Variants in USP13 observed in about 807,000 individuals in gnomAD.
USP13 encodes the protein ubiquitin carboxyl-terminal hydrolase 13.
A neutral mutation model predicts 107.8 loss-of-function variants in USP13; 68 were observed. That is an observed-to-expected ratio of 0.63 (90% CI 0.52 to 0.77). The LOEUF (loss-of-function observed/expected upper bound fraction) is 0.77. USP13 is among the 30% of genes least tolerant of loss of function. The pLI is 0.00. For missense variants in USP13, 945 were observed against 1,093.3 expected (o/e 0.86, Z 1.91); for synonymous variants, 377 against 389.5 (o/e 0.97, Z 0.38).
intron 1 of USP13, among the ~76,000 whole-genome samples, chr3:179,676,405 G>C (rs1390359706): frequency 6.6e-6 from 1 of 152,106 alleles, no homozygotes; most frequent in East Asian, 1.9e-4. Flanking sequence ...TGCTTTCTTG[G>C]GTGGTGATCT....
chr3:179,725,087 C>G (rs1713464325), intron 8 of USP13, among the ~76,000 whole-genome samples: 1 of 152,136 alleles, frequency 6.6e-6, no homozygotes, highest in African/African-American at 2.4e-5. Flanking sequence ...TGGTGCGTGC[C>G]TGTGACACCA....
intron 1 of USP13, among the ~76,000 whole-genome samples, chr3:179,666,270 G>T (rs949966823): frequency 6.6e-6 from 1 of 152,222 alleles, no homozygotes; most frequent in African/African-American, 2.4e-5. Flanking sequence ...GCTACAGGAA[G>T]CAGGGTTGAA....
intron 13 of USP13, among the ~76,000 whole-genome samples, chr3:179,746,782 C>G (rs1056889934): frequency 6.6e-6 from 1 of 151,998 alleles, no homozygotes; most frequent in East Asian, 1.9e-4. Context: ...CCAGGCTGAT[C>G]TGGAACTCCT....
chr3:179,748,832 G>A (rs1714499083), intron 13 of USP13, among the ~76,000 whole-genome samples: 1 of 152,128 alleles, frequency 6.6e-6, no homozygotes, highest in African/African-American at 2.4e-5. Context: ...GAACTTATTG[G>A]TATGCAACCT....
At chr3:179,744,922 C>A (rs977119667) in intron 12 of USP13, 121 bp from the exon 13 acceptor site, 1 of 1,248,302 alleles carries the variant, frequency 8.0e-7, no homozygotes. Context: ...CTGTAAAGGG[C>A]GACAAATAAG....
chr3:179,698,179 TA>T (rs976863233), intron 3 of USP13, among the ~76,000 whole-genome samples: 1 of 152,142 alleles, frequency 6.6e-6, no homozygotes, highest in African/African-American at 2.4e-5. Flanking sequence ...TTGAAGGTGA[TA>T]ACTTCTGAAT....
At chr3:179,660,667 T>G (rs1320222) in intron 1 of USP13, among the ~76,000 whole-genome samples, 120,582 of 152,168 alleles carry the variant, frequency 0.79, 48,396 homozygotes, top group African/African-American at 0.91. Flanking sequence ...TGCCTTGCAG[T>G]CAATGAGACT....
chr3:179,728,982 A>AGAGGG (rs1713691196), intron 8 of USP13, among the ~76,000 whole-genome samples: 4 of 150,118 alleles, frequency 2.7e-5, no homozygotes, highest in South Asian at 2.1e-4. Context: ...GACGGAGAGG[A>AGAGGG]AGAGGGAGAG....
chr3:179,757,722 A>G (rs1327554721), intron 16 of USP13, among the ~76,000 whole-genome samples: 1 of 152,220 alleles, frequency 6.6e-6, no homozygotes, highest in African/African-American at 2.4e-5. Context: ...TCAAGACAGT[A>G]ACTAATATTA....
At chr3:179,754,140 C>T (rs1714704222) in intron 14 of USP13, among the ~76,000 whole-genome samples, 1 of 152,142 alleles carries the variant, frequency 6.6e-6, no homozygotes, top group Non-Finnish European at 1.5e-5. Context: ...TTGTAGCTAG[C>T]TATCTTGGTC....
intron 4 of USP13, among the ~76,000 whole-genome samples, chr3:179,706,290 T>C (rs1162771439): frequency 6.6e-6 from 1 of 152,226 alleles, no homozygotes; most frequent in African/African-American, 2.4e-5. Context: ...AATAGGCATA[T>C]GGCCAGAATC....
chr3:179,664,280 G>A (rs550473686), intron 1 of USP13, among the ~76,000 whole-genome samples: 2 of 151,966 alleles, frequency 1.3e-5, no homozygotes, highest in Non-Finnish European at 2.9e-5. Flanking sequence ...TTTTACTAGG[G>A]ATGGGGTTTC....
intron 6 of USP13, among the ~76,000 whole-genome samples, chr3:179,711,359 GC>G (rs1712920403): frequency 6.6e-6 from 1 of 151,966 alleles, no homozygotes; most frequent in East Asian, 1.9e-4. Context: ...GCTGGGAGGT[GC>G]CCCAACCACG....
intron 12 of USP13, among the ~76,000 whole-genome samples, chr3:179,743,459 G>T (rs901188607): frequency 6.6e-6 from 1 of 151,806 alleles, no homozygotes; most frequent in Non-Finnish European, 1.5e-5. Context: ...TTGTGTGTGG[G>T]GGGTGGTGGG....
At chr3:179,670,240 A>G (rs1230058670) in intron 1 of USP13, among the ~76,000 whole-genome samples, 3 of 152,114 alleles carry the variant, frequency 2.0e-5, no homozygotes, top group African/African-American at 7.2e-5. Context: ...GGCTCCTCTT[A>G]TCACTGCTGG....
intron 1 of USP13, among the ~76,000 whole-genome samples, chr3:179,675,710 G>A (rs543417770): frequency 3.9e-5 from 6 of 152,096 alleles, no homozygotes; most frequent in Admixed American, 2.0e-4. Context: ...GCCACGCCTG[G>A]CTAATTTTTG....
At chr3:179,657,917 C>T (rs1441019176) in intron 1 of USP13, among the ~76,000 whole-genome samples, 1 of 152,036 alleles carries the variant, frequency 6.6e-6, no homozygotes, top group Non-Finnish European at 1.5e-5. Flanking sequence ...CCTCCCTGGA[C>T]CAGCATGGAA....
chr3:179,653,409 CG>C lies in USP13; in HGVS notation c.168+21del. ...CGACTCTCCCGTAAGTGAGGCGCCTCGGGGGAGGGTCGCGGGGCCGGCGGCC... is the reference window on the plus strand; with the variant it reads ...CGACTCTCCCGTAAGTGAGGCGCCTCGGGGAGGGTCGCGGGGCCGGCGGCC... On this transcript the variant is annotated intron_variant, in intron 1 of 20. Transcript: ENST00000263966. The surrounding 1 kb of genome is among the most constrained non-coding windows in gnomAD (Gnocchi z 4.0). 1 of 1,548,876 alleles carries C rather than the reference CG, an allele frequency of 6.5e-7. No individual in the cohort carries two copies. Among genetic ancestry groups the C allele is most frequent in the Non-Finnish European group, 8.7e-7 (1 of 1,145,200 alleles).
chr3:179,770,813 G>A (rs1041151588), intron 19 of USP13, among the ~76,000 whole-genome samples: 1 of 152,010 alleles, frequency 6.6e-6, no homozygotes, highest in Non-Finnish European at 1.5e-5. Flanking sequence ...TCACCATGTT[G>A]GCCAGGATGG....
Sources: gnomAD v4.1 joint callset for allele counts (sites outside exome capture counted in the v4.1 genomes callset) on GRCh38, gnomAD v4.1.1 for gene constraint, Gnocchi (gnomAD v3.1) non-coding constraint, MANE v1.5 for transcripts, NCBI Gene and HGNC (gene_info 2026-07-23, HGNC 2026-07-21) for gene names.